SLC22A2: variants seen among roughly 807,000 people sequenced by gnomAD.
The protein encoded by SLC22A2 is solute carrier family 22 member 2.
In SLC22A2, 46 loss-of-function variants were observed where a neutral mutation model predicts 60.5. That is an observed-to-expected ratio of 0.76 (90% CI 0.60 to 0.97). SLC22A2 has a LOEUF of 0.97. Ranked by LOEUF, SLC22A2 falls within the 50% of genes least tolerant of loss-of-function variation. The probability of loss-of-function intolerance (pLI) is 0.00; values close to 1 mark genes in which losing one functional copy is unlikely to be tolerated. For missense variants in SLC22A2, 701 were observed against 706.6 expected (o/e 0.99, Z 0.09); for synonymous variants, 303 against 267.0 (o/e 1.13, Z -1.31).
intron 10 of SLC22A2, among the ~76,000 whole-genome samples, chr6:160,221,788 C>A (rs1782648286): frequency 6.6e-6 from 1 of 152,140 alleles, no homozygotes; most frequent in Non-Finnish European, 1.5e-5. Flanking sequence ...TTTTACACAG[C>A]CATGGTTTGT....
In SLC22A2 at chr6:160,243,802, A is replaced by ATCTC; in HGVS notation, c.1065-17_1065-16insGAGA. 1 of 1,592,752 alleles carries ATCTC rather than the reference A, an allele frequency of 6.3e-7. No individual in the cohort carries two copies. The highest frequency in any genetic ancestry group is 1.3e-5 in the African/African-American group (1 of 74,542). ...GCTCGTGAACCTGAGCAAAGAGGAGAGTTCAGGTCAAGTCAAGCACCAAAC... is the reference window on the plus strand; with the variant it reads ...GCTCGTGAACCTGAGCAAAGAGGAGATCTCGTTCAGGTCAAGTCAAGCACCAAAC... On this transcript the variant is annotated splice_polypyrimidine_tract_variant and intron_variant, in intron 6 of 10. Coordinates refer to ENST00000366953, the MANE Select transcript of SLC22A2 (RefSeq NM_003058.4).
intron 9 of SLC22A2, among the ~76,000 whole-genome samples, chr6:160,239,490 G>A (rs1782964822): frequency 1.3e-5 from 2 of 152,146 alleles, no homozygotes; most frequent in South Asian, 2.1e-4. Context: ...CCCCCTCTTG[G>A]GGTCTGGGTC....
intron 10 of SLC22A2, among the ~76,000 whole-genome samples, chr6:160,220,630 A>G (rs993611867): frequency 6.6e-6 from 1 of 152,206 alleles, no homozygotes; most frequent in Non-Finnish European, 1.5e-5. Flanking sequence ...TTCTTAAATA[A>G]TAATACTTGA....
intron 9 of SLC22A2, among the ~76,000 whole-genome samples, chr6:160,228,845 G>T (rs988554855): frequency 6.6e-6 from 1 of 151,536 alleles, no homozygotes; most frequent in Admixed American, 6.6e-5. Flanking sequence ...TGAGCACCTT[G>T]TGTCCCCCAC....
At chr6:160,241,804 A>T (rs202085111) in intron 8 of SLC22A2, among the ~76,000 whole-genome samples, 1 of 29,178 alleles carries the variant, frequency 3.4e-5, no homozygotes, top group African/African-American at 6.9e-5. Context: ...CTATTGAAAT[A>T]AAAAAAAAAC....
At chr6:160,242,431 G>T (rs779434546) in intron 7 of SLC22A2, 29 bp from the exon 8 acceptor site, 8 of 1,162,652 alleles carry the variant, frequency 6.9e-6, no homozygotes, top group Non-Finnish European at 1.0e-5. Context: ...GTACTTATCC[G>T]TACACAGATG....
In SLC22A2 at chr6:160,250,708, G is replaced by A. The variant is rs1341870304; in HGVS notation, c.519-6C>T. The A allele has an allele frequency of 2.5e-6, 4 of 1,612,304 alleles. No homozygotes were observed. The highest frequency in any genetic ancestry group is 1.1e-5 in the South Asian group (1 of 90,794). On this transcript the variant is annotated splice_region_variant and splice_polypyrimidine_tract_variant and intron_variant, in intron 2 of 10. Transcript: ENST00000366953. ...GGCAGAGCTTACGGCCAAACCTGCA[G>A]GAAGAAAAACAAAGAGAGGGAATTG...
Position 160,246,608 on chromosome 6 carries a change from G to A in SLC22A2, c.957+576C>T, listed in dbSNP as rs111559518. Among the ~76,000 whole-genome samples the A allele has an allele frequency of 5.0e-3, 766 of 152,220 alleles. 7 individuals are homozygous for A. The highest frequency in any genetic ancestry group is 6.8e-3 in the Middle Eastern group (2 of 294). On this transcript the variant is annotated intron_variant, in intron 5 of 10. Coordinates refer to ENST00000366953, the MANE Select transcript of SLC22A2 (RefSeq NM_003058.4). ...CTAAAAACACAAAAATTAGCTTGGC[G>A]TGGTGGTGCTCGTCTGTAATTCTGG...
intron 9 of SLC22A2, among the ~76,000 whole-genome samples, chr6:160,240,248 C>T (rs1319807315): frequency 1.3e-5 from 2 of 152,072 alleles, no homozygotes; most frequent in Non-Finnish European, 2.9e-5. Context: ...CCTTGTGAGA[C>T]TTTAACTAGT....
chr6:160,246,991 G>C (rs1783105098), intron 5 of SLC22A2, among the ~76,000 whole-genome samples, 193 bp downstream of exon 5: 1 of 152,162 alleles, frequency 6.6e-6, no homozygotes, highest in Admixed American at 6.5e-5. Flanking sequence ...GTTTCCACCT[G>C]TTTGAAATAT....
chr6:160,242,492 C>A, intron 7 of SLC22A2, 90 bp from the exon 8 acceptor site: 1 of 790,978 alleles, frequency 1.3e-6, no homozygotes, highest in South Asian at 1.4e-5. Context: ...GGACAAATTC[C>A]CCATCCCAGA....
intron 3 of SLC22A2, among the ~76,000 whole-genome samples, chr6:160,250,205 T>G (rs1397503001): frequency 6.6e-6 from 1 of 152,230 alleles, no homozygotes; most frequent in East Asian, 1.9e-4. Context: ...ATAAATCTAC[T>G]ATATCTCTCA....
intron 4 of SLC22A2, 47 bp downstream of exon 4, chr6:160,249,169 G>T: frequency 1.5e-6 from 2 of 1,361,844 alleles, no homozygotes; most frequent in Non-Finnish European, 2.0e-6. Flanking sequence ...CTTCTTAGCA[G>T]AATAAAATAC....
rs1163214740 is a variant in SLC22A2, at chr6:160,247,253, A to G, written c.888T>C (p.Asn296=). Residue 296 remains asparagine (N), a synonymous_variant, in exon 5 of 11, where the codon AAT becomes AAC. Transcript: ENST00000366953. ...GCTTAATGATTCTCATGGCTTCAGC[A>G]TTCTTATTCTGGGAGATCAGCCACC... The part of the protein sequence containing the change: ...SPRWLISQNK[N]AEAMRIIKHI... 6.2e-7 allele frequency: 1 copy of G among 1,613,840 alleles called. No homozygotes were observed. The highest frequency in any genetic ancestry group is 8.5e-7 in the Non-Finnish European group (1 of 1,179,734).
At chr6:160,236,221 G>A (rs971417617) in intron 9 of SLC22A2, among the ~76,000 whole-genome samples, 45 of 152,228 alleles carry the variant, frequency 3.0e-4, no homozygotes, top group African/African-American at 9.9e-4. Flanking sequence ...TTAGAATAGA[G>A]GAAAATACTT....
At chr6:160,220,744 G>C (rs1782631584) in intron 10 of SLC22A2, among the ~76,000 whole-genome samples, 2 of 152,270 alleles carry the variant, frequency 1.3e-5, no homozygotes, top group Admixed American at 1.3e-4. Context: ...GAGCTCTTGG[G>C]TGACCAGGTG....
intron 9 of SLC22A2, among the ~76,000 whole-genome samples, chr6:160,234,485 C>A (rs370688352): frequency 6.6e-6 from 1 of 152,216 alleles, no homozygotes; most frequent in African/African-American, 2.4e-5. Context: ...ACAGGAGGAG[C>A]TGCCCCTGCC....
intron 6 of SLC22A2, 95 bp downstream of exon 6, chr6:160,245,344 T>C: frequency 1.5e-6 from 1 of 672,064 alleles, no homozygotes; most frequent in Non-Finnish European, 2.5e-6. Context: ...TCAGCGCTAA[T>C]ACCGGGATGA....
intron 2 of SLC22A2, among the ~76,000 whole-genome samples, chr6:160,253,324 G>A (rs1783217524): frequency 6.6e-6 from 1 of 152,196 alleles, no homozygotes; most frequent in Non-Finnish European, 1.5e-5. Flanking sequence ...AAATTAAGGG[G>A]TGGCTTATGC....
Sources: allele counts gnomAD v4.1 joint callset (sites outside exome capture counted in the v4.1 genomes callset), GRCh38; gene constraint gnomAD v4.1.1; transcripts MANE v1.5; gene names NCBI Gene and HGNC (gene_info 2026-07-23, HGNC 2026-07-21).